The following PDE1A variants were observed in gnomAD, a reference collection of about 807,000 sequenced individuals.
PDE1A encodes dual specificity calcium/calmodulin-dependent 3',5'-cyclic nucleotide phosphodiesterase 1A.
PDE1A carries 35 observed loss-of-function variants against 61.7 expected under a neutral mutation model. The ratio of observed to expected loss-of-function variants is 0.57; its 90% CI spans 0.43 to 0.75. PDE1A has a LOEUF of 0.75. Among genes scored for constraint, PDE1A ranks in the 30% least tolerant of loss-of-function variants. PDE1A has a pLI of 0.00. For synonymous variants in PDE1A, 232 were observed against 213.2 expected, an observed-to-expected ratio of 1.09 and a Z score of -0.77; for missense variants, 597 against 630.6, an observed-to-expected ratio of 0.95 and a Z score of 0.57.
the PDE1A span, among the ~76,000 whole-genome samples, chr2:182,640,289 T>C: frequency 1.3e-5 from 2 of 152,176 alleles, no homozygotes; most frequent in Non-Finnish European, 2.9e-5. Flanking sequence ...AGACCATAAA[T>C]GAGGACTGAA....
chr2:182,662,046 GA>G, the PDE1A span, among the ~76,000 whole-genome samples: 1 of 151,716 alleles, frequency 6.6e-6, no homozygotes, highest in Non-Finnish European at 1.5e-5. Flanking sequence ...AAACCATTTT[GA>G]AAAAAACTAC....
chr2:182,375,676 T>C (rs1466155495), intron 1 of PDE1A, among the ~76,000 whole-genome samples: 1 of 152,220 alleles, frequency 6.6e-6, no homozygotes, highest in East Asian at 1.9e-4. Context: ...AGCTCCACTA[T>C]GTGGTACCCC....
chr2:182,368,571 A>G (rs1574469987), intron 1 of PDE1A, among the ~76,000 whole-genome samples: 1 of 151,984 alleles, frequency 6.6e-6, no homozygotes, highest in African/African-American at 2.4e-5. Context: ...GAGAGAGATT[A>G]AATGATTCAT....
chr2:182,336,211 G>A (rs564560962), intron 1 of PDE1A, among the ~76,000 whole-genome samples: 2 of 152,264 alleles, frequency 1.3e-5, no homozygotes, highest in South Asian at 4.1e-4. Flanking sequence ...ACAGTATGGC[G>A]ATTCCTCAAG....
chr2:182,639,489 A>G, the PDE1A span, among the ~76,000 whole-genome samples: 1 of 152,132 alleles, frequency 6.6e-6, no homozygotes, highest in African/African-American at 2.4e-5. Context: ...AATCACTTGA[A>G]CCCAAGAGGC....
chr2:182,454,546 G>A (rs1685765919), intron 2 of PDE1A, among the ~76,000 whole-genome samples: 1 of 151,914 alleles, frequency 6.6e-6, no homozygotes, highest in African/African-American at 2.4e-5. Flanking sequence ...AACCAAAACA[G>A]CATGGTACTG....
intron 1 of PDE1A, among the ~76,000 whole-genome samples, chr2:182,322,350 G>A (rs1696748794): frequency 6.6e-6 from 1 of 152,124 alleles, no homozygotes; most frequent in Non-Finnish European, 1.5e-5. Flanking sequence ...ACGTGTTGTG[G>A]GAGGGACCCA....
intron 2 of PDE1A, among the ~76,000 whole-genome samples, chr2:182,479,709 T>A (rs1687588048): frequency 6.6e-6 from 1 of 151,934 alleles, no homozygotes; most frequent in African/African-American, 2.4e-5. Flanking sequence ...CTGCCTCTAG[T>A]ATTTGTTGAG....
At chr2:182,344,505 C>T (rs1456509677) in intron 1 of PDE1A, among the ~76,000 whole-genome samples, 3 of 152,138 alleles carry the variant, frequency 2.0e-5, no homozygotes, top group African/African-American at 7.2e-5. Flanking sequence ...GCATTCGACT[C>T]ATCTTGGCTT....
intron 1 of PDE1A, among the ~76,000 whole-genome samples, chr2:182,322,509 C>G (rs921476221): frequency 3.3e-5 from 5 of 152,162 alleles, no homozygotes; most frequent in Admixed American, 2.0e-4. Flanking sequence ...GCCTTTGCTC[C>G]TCTTTTACCT....
chr2:182,177,917 C>T (rs1247198873), intron 13 of PDE1A, among the ~76,000 whole-genome samples: 1 of 152,050 alleles, frequency 6.6e-6, no homozygotes, highest in African/African-American at 2.4e-5. Context: ...CTTTCTTTTT[C>T]TGTAAAGTGA....
chr2:182,382,028 G>A (rs1700767176), intron 1 of PDE1A, among the ~76,000 whole-genome samples: 1 of 151,594 alleles, frequency 6.6e-6, no homozygotes, highest in Non-Finnish European at 1.5e-5. Context: ...ATTAAGTTTT[G>A]ACAATAAACA....
chr2:182,552,273 T>A, the PDE1A span, among the ~76,000 whole-genome samples: 2 of 151,962 alleles, frequency 1.3e-5, no homozygotes, highest in African/African-American at 2.4e-5. Flanking sequence ...AAAAATAGAT[T>A]CTAAAGAAAG....
At chr2:182,219,162 A>AAAG (rs1290464924) in intron 7 of PDE1A, among the ~76,000 whole-genome samples, 1 of 152,090 alleles carries the variant, frequency 6.6e-6, no homozygotes, top group Non-Finnish European at 1.5e-5. Flanking sequence ...TTAAGATAGA[A>AAAG]AAGTCGTTTT....
At chr2:182,511,510 G>A (rs1226167858) in intron 2 of PDE1A, among the ~76,000 whole-genome samples, 1 of 152,160 alleles carries the variant, frequency 6.6e-6, no homozygotes, top group African/African-American at 2.4e-5. Context: ...TGAGCTGGCA[G>A]GGAGAGCTTC....
chr2:182,273,859 T>A (rs1693214019), intron 1 of PDE1A, among the ~76,000 whole-genome samples: 1 of 152,044 alleles, frequency 6.6e-6, no homozygotes, highest in Non-Finnish European at 1.5e-5. Context: ...CAGCACCAGT[T>A]CCACCAAAAA....
intron 13 of PDE1A, among the ~76,000 whole-genome samples, chr2:182,176,841 T>C (rs1226116251): frequency 6.6e-6 from 1 of 151,010 alleles, no homozygotes; most frequent in African/African-American, 2.4e-5. Flanking sequence ...ATAGCTCTTA[T>C]TATTTTGAAA....
intron 2 of PDE1A, among the ~76,000 whole-genome samples, chr2:182,453,739 C>A (rs992887792): frequency 6.6e-5 from 10 of 152,090 alleles, no homozygotes; most frequent in East Asian, 5.8e-4. Flanking sequence ...AAAAACTCTC[C>A]ATAAATTAGG....
rs371605887 is a variant in PDE1A at position 182,193,963 on chromosome 2, A to G, written c.1126-4903T>C. 6.8e-4 allele frequency among the ~76,000 whole-genome samples: 104 copies of G among 152,272 alleles called. 3 individuals are homozygous for G. In the South Asian group the frequency reaches 0.021, roughly 31 times the overall value. On this transcript the variant is annotated intron_variant, in intron 10 of 13. Transcript: ENST00000351439. ...AAGTACATTTGTATTACTATGGACA[A>G]TGAAATTTATTTTGAAATAACACAC...
Sources: allele counts gnomAD v4.1 joint callset (sites outside exome capture counted in the v4.1 genomes callset), GRCh38; gene constraint gnomAD v4.1.1; transcripts MANE v1.5; gene names NCBI Gene and HGNC (gene_info 2026-07-23, HGNC 2026-07-21).